USH2A: variants seen among roughly 807,000 people sequenced by gnomAD.
The protein encoded by USH2A is usherin.
Under a neutral mutation model 538.9 loss-of-function variants are expected in USH2A, and 443 were observed. That is an observed-to-expected ratio of 0.82 (90% confidence interval 0.76 to 0.89). USH2A has a LOEUF of 0.89. USH2A is among the 40% of genes least tolerant of loss of function. The probability of loss-of-function intolerance (pLI) is 0.00; values close to 1 mark genes in which losing one functional copy is unlikely to be tolerated. For synonymous variants in USH2A, 2,413 were observed against 2,273.5 expected (o/e 1.06, Z -1.75); for missense variants, 6,633 against 6,324.8 (o/e 1.05, Z -1.65).
At chr1:216,384,651 T>C (rs1486228903) in intron 3 of USH2A, among the ~76,000 whole-genome samples, 1 of 151,694 alleles carries the variant, frequency 6.6e-6, no homozygotes, top group Non-Finnish European at 1.5e-5. Context: ...AAATCATTAA[T>C]TTTTAGTGGC....
chr1:215,755,476 A>T (rs924370177), intron 58 of USH2A, among the ~76,000 whole-genome samples: 14 of 152,350 alleles, frequency 9.2e-5, no homozygotes, highest in African/African-American at 3.4e-4. Context: ...TATTATCCAA[A>T]TCAAAACACA....
At chr1:216,073,045 G>A (rs991080842) in intron 28 of USH2A, 52 bp downstream of exon 28, 1 of 1,613,018 alleles carries the variant, frequency 6.2e-7, no homozygotes, top group East Asian at 2.2e-5. Flanking sequence ...GGGAGGGAAA[G>A]GGGGATGAAT....
chr1:216,086,808 A>T lies in USH2A; in HGVS notation c.4898T>A (p.Ile1633Asn). ...LDGIYTGSSA[I>N]LNGSTVIGDN... Reference sequence around the variant, plus strand: ...TCCAATAACAGTACTACCATTCAGGATGGCAGAGGAACCTAGAGAAGAGGA... The same window carrying T: ...TCCAATAACAGTACTACCATTCAGGTTGGCAGAGGAACCTAGAGAAGAGGA... Residue 1633 changes from isoleucine to asparagine, a missense_variant, in exon 24 of 72, where the codon ATC becomes AAC. Coordinates refer to ENST00000307340, the MANE Select transcript of USH2A (RefSeq NM_206933.4). 1 of 1,612,686 alleles carries T rather than the reference A, an allele frequency of 6.2e-7. No homozygotes were observed. Among genetic ancestry groups the T allele is most frequent in the Non-Finnish European group, 8.5e-7 (1 of 1,179,058 alleles).
chr1:216,321,865 G>T lies in USH2A; in HGVS notation c.1644+18C>A. On this transcript the variant is annotated intron_variant, in intron 9 of 71. Coordinates refer to ENST00000307340, the MANE Select transcript of USH2A (RefSeq NM_206933.4). ...TACTATTTTTTTTTTAGATTTCCAT[G>T]CATAAAATAGAACTCACATGAAGTC... 6.3e-7 allele frequency: 1 copy of T among 1,597,094 alleles called. No individual in the cohort carries two copies. The highest frequency in any genetic ancestry group is 8.6e-7 in the Non-Finnish European group (1 of 1,164,820).
chr1:216,081,535 T>A (rs2102557577), intron 26 of USH2A, among the ~76,000 whole-genome samples: 1 of 152,198 alleles, frequency 6.6e-6, no homozygotes, highest in Non-Finnish European at 1.5e-5. Context: ...TGGGAAGTGT[T>A]AAAAGAAAGC....
chr1:215,625,405 C>A lies in USH2A; in HGVS notation c.*376G>T. On this transcript the variant is annotated 3_prime_UTR_variant, in exon 72 of 72. Coordinates refer to ENST00000307340, the MANE Select transcript of USH2A (RefSeq NM_206933.4). ...AGCAGTGACATCCTTTCAACAGAAT[C>A]ATTTTTGAGCCAGTAACTAACTTAC... is the stretch of plus-strand genomic sequence containing the variant. 3.3e-6 allele frequency: 1 copy of A among 300,174 alleles called. No individual in the cohort carries two copies. Among genetic ancestry groups the A allele is most frequent in the Non-Finnish European group, 6.4e-6 (1 of 155,652 alleles). The allele number at this position is 300,174 out of a possible 1,614,324, so 18.6% of individuals were successfully genotyped here. A position where few individuals can be genotyped will look rare whatever the true frequency, so the allele number is the denominator to read the frequency against.
At chr1:216,026,346 G>T (rs1390974145) in intron 32 of USH2A, among the ~76,000 whole-genome samples, 1 of 152,092 alleles carries the variant, frequency 6.6e-6, no homozygotes, top group Non-Finnish European at 1.5e-5. Flanking sequence ...ATCAAAACAT[G>T]TATTTGTAGC....
At chr1:216,339,730 G>A (rs1165473359) in intron 4 of USH2A, among the ~76,000 whole-genome samples, 2 of 151,888 alleles carry the variant, frequency 1.3e-5, no homozygotes, top group African/African-American at 2.4e-5. Flanking sequence ...ACTCCTGAAC[G>A]ACTCCTGGGT....
rs550960558 is a variant in USH2A at position 216,256,786 on chromosome 1, T to C, written c.1972-5688A>G. The stretch of plus-strand genomic sequence containing the variant: ...TGGTAAGAATACAGTAAATAATATA[T>C]ACAAAATAAATGTTAATTGACTGTT... On this transcript the variant is annotated intron_variant, in intron 11 of 71. Coordinates refer to ENST00000307340, the MANE Select transcript of USH2A (RefSeq NM_206933.4). Among the ~76,000 whole-genome samples, 106 of 152,150 alleles carry C rather than the reference T, an allele frequency of 7.0e-4. 1 individual carries two copies. Among genetic ancestry groups the C allele is most frequent in the Admixed American group, 6.7e-3 (103 of 15,260 alleles).
At chr1:215,766,635 C>T (rs2102748018) in intron 56 of USH2A, 46 bp downstream of exon 56, 2 of 1,538,176 alleles carry the variant, frequency 1.3e-6, no homozygotes, top group East Asian at 2.2e-5. Flanking sequence ...CCTCAAAATG[C>T]TATGTGAAAA....
chr1:216,058,716 A>G (rs2031069823), intron 30 of USH2A, among the ~76,000 whole-genome samples: 1 of 152,194 alleles, frequency 6.6e-6, no homozygotes, highest in South Asian at 2.1e-4. Context: ...ACTGTTGATA[A>G]AAGACTGAGG....
chr1:215,680,506 T>G, intron 61 of USH2A, 130 bp from the exon 62 acceptor site: 1 of 823,382 alleles, frequency 1.2e-6, no homozygotes, highest in Non-Finnish European at 2.0e-6. Context: ...ACAGCAGAGT[T>G]TTGAATTATC....
intron 43 of USH2A, among the ~76,000 whole-genome samples, chr1:215,873,009 T>C (rs1298244325): frequency 6.6e-6 from 1 of 152,104 alleles, no homozygotes; most frequent in Non-Finnish European, 1.5e-5. Flanking sequence ...AAACTTTTCT[T>C]TATAAATTAT....
chr1:216,040,663 C>T (rs1274640784), intron 32 of USH2A, among the ~76,000 whole-genome samples: 1 of 152,006 alleles, frequency 6.6e-6, no homozygotes, highest in African/African-American at 2.4e-5. Context: ...GTTGAACAGT[C>T]TCATGAAGGA....
chr1:215,796,613 C>T (rs1477925829), intron 50 of USH2A, among the ~76,000 whole-genome samples: 1 of 152,018 alleles, frequency 6.6e-6, no homozygotes, highest in African/African-American at 2.4e-5. Context: ...CTCAGGCCTT[C>T]CTATTCTCTG....
chr1:216,118,138 G>A (rs1413304087), intron 21 of USH2A, among the ~76,000 whole-genome samples: 4 of 152,058 alleles, frequency 2.6e-5, no homozygotes, highest in African/African-American at 9.7e-5. Flanking sequence ...AGTGGGCAAC[G>A]AGAGTTTCTT....
intron 3 of USH2A, among the ~76,000 whole-genome samples, chr1:216,398,673 G>A (rs2039258325): frequency 6.6e-6 from 1 of 152,078 alleles, no homozygotes; most frequent in Non-Finnish European, 1.5e-5. Flanking sequence ...GTAAGCAGTA[G>A]TTTTTGATTC....
At chr1:216,231,262 A>G (rs538646195) in intron 14 of USH2A, among the ~76,000 whole-genome samples, 7,699 of 109,302 alleles carry the variant, frequency 0.07, 1,158 homozygotes, top group Non-Finnish European at 0.094. Flanking sequence ...TATATATAAT[A>G]TATATATATA....
rs775241651 is a variant in USH2A at position 216,089,088 on chromosome 1, C to T, written c.4810G>A (p.Asp1604Asn). The change falls in exon 23 of 72, where the codon GAT becomes AAT. Residue 1604 changes from aspartate to asparagine, a missense_variant. By Grantham distance (23) the Asp-to-Asn change is conservative. Transcript: ENST00000307340. ...TTNDHGKQYS[D>N]GKWHEIIAIR... ...GCAATTATTTCATGCCATTTTCCAT[C>T]ACTATATTGTTTGCCATGATCATTA... 4.3e-6 allele frequency: 7 copies of T among 1,613,282 alleles called. No individual in the cohort carries two copies. The highest frequency in any genetic ancestry group is 1.6e-4 in the Middle Eastern group (1 of 6,076).
Sources: allele counts gnomAD v4.1 joint callset (sites outside exome capture counted in the v4.1 genomes callset), GRCh38; gene constraint gnomAD v4.1.1; transcripts MANE v1.5; gene names NCBI Gene and HGNC (gene_info 2026-07-23, HGNC 2026-07-21).